EGFLAM: variants seen among roughly 807,000 people sequenced by gnomAD.
EGFLAM encodes the protein pikachurin.
In EGFLAM, 79 loss-of-function variants were observed where a neutral mutation model predicts 113.1. The observed-to-expected ratio is 0.70, with a 90% CI of 0.58 to 0.84. The LOEUF (loss-of-function observed/expected upper bound fraction) is 0.84. Among genes scored for constraint, EGFLAM ranks in the 40% least tolerant of loss-of-function variants. The pLI is 0.00. For synonymous variants in EGFLAM, 504 were observed against 487.6 expected, an observed-to-expected ratio of 1.03 and a Z score of -0.44; for missense variants, 1,265 against 1,291.6, an observed-to-expected ratio of 0.98 and a Z score of 0.32.
chr5:38,435,294 C>G (rs759725596), intron 16 of EGFLAM, 41 bp downstream of exon 16: 1 of 1,418,608 alleles, frequency 7.0e-7, no homozygotes, highest in Non-Finnish European at 1.0e-6. Flanking sequence ...GCCACCCAGA[C>G]TGTAGACAAA....
At chr5:38,279,899 G>T (rs895406794) in intron 1 of EGFLAM, among the ~76,000 whole-genome samples, 1 of 152,062 alleles carries the variant, frequency 6.6e-6, no homozygotes, top group African/African-American at 2.4e-5. Flanking sequence ...ACTATGTGAG[G>T]TAATGCATTT....
At position 38,461,673 on chromosome 5, in the gene EGFLAM, G is replaced by T. The variant is rs149763913; in HGVS notation, c.2772-1235G>T. On this transcript the variant is annotated intron_variant, in intron 20 of 21. Transcript: ENST00000322350. ...GAGAAAGTTCTGTAAATCTCTAGAA[G>T]AGTTGCTATCAAGAAGTGAAGCCTG... is the stretch of plus-strand genomic sequence containing the variant. Among the ~76,000 whole-genome samples the T allele has an allele frequency of 4.3e-3, 661 of 152,276 alleles. 5 individuals carry two copies. Among genetic ancestry groups the T allele is most frequent in the Middle Eastern group, 0.014 (4 of 294 alleles).
chr5:38,273,760 G>A (rs1182819492), intron 1 of EGFLAM, among the ~76,000 whole-genome samples: 1 of 152,208 alleles, frequency 6.6e-6, no homozygotes, highest in Non-Finnish European at 1.5e-5. Context: ...TGTGAACACT[G>A]GAATAAGTAT....
intron 1 of EGFLAM, among the ~76,000 whole-genome samples, chr5:38,328,147 C>T (rs958135471): frequency 1.3e-5 from 2 of 152,114 alleles, no homozygotes; most frequent in African/African-American, 4.8e-5. Flanking sequence ...GCTGGGGAGG[C>T]TCGGGAATTT....
At chr5:38,360,703 G>A (rs1031363507) in intron 5 of EGFLAM, among the ~76,000 whole-genome samples, 6 of 152,204 alleles carry the variant, frequency 3.9e-5, no homozygotes, top group South Asian at 4.2e-4. Flanking sequence ...CTAGAACAGC[G>A]CCTAGCCCTT....
intron 12 of EGFLAM, among the ~76,000 whole-genome samples, chr5:38,420,011 A>T (rs1444066437): frequency 6.6e-6 from 1 of 152,202 alleles, no homozygotes; most frequent in African/African-American, 2.4e-5. Context: ...TGGACAACAG[A>T]GTGAGACTGT....
intron 6 of EGFLAM, chr5:38,403,786 A>C: frequency 6.2e-7 from 1 of 1,608,596 alleles, no homozygotes; most frequent in South Asian, 1.1e-5. Flanking sequence ...CTTGCTGTAC[A>C]AAGATAGAGA....
chr5:38,405,309 C>G (rs1227617454), intron 6 of EGFLAM, among the ~76,000 whole-genome samples: 3 of 152,172 alleles, frequency 2.0e-5, no homozygotes, highest in African/African-American at 7.2e-5. Context: ...CATCCCTTTT[C>G]TATCTTCCCT....
chr5:38,435,266 C>G lies in EGFLAM; in HGVS notation c.2283+13C>G. 2 of 1,598,974 alleles carry G rather than the reference C, an allele frequency of 1.3e-6. No homozygotes were observed. Among genetic ancestry groups the G allele is most frequent in the Non-Finnish European group, 8.6e-7 (1 of 1,166,344 alleles). ...GAGCATCCAGAAGGTACAGGCATCT[C>G]TTCCTCATGTTTACTGGGCCACCCA... On this transcript the variant is annotated intron_variant, in intron 16 of 21. Coordinates refer to ENST00000322350, the MANE Select transcript of EGFLAM (RefSeq NM_152403.4).
intron 1 of EGFLAM, among the ~76,000 whole-genome samples, chr5:38,284,282 G>T (rs1222426638): frequency 6.6e-6 from 1 of 152,180 alleles, no homozygotes; most frequent in Non-Finnish European, 1.5e-5. Flanking sequence ...GCTCTGCCTT[G>T]TATAGAATGG....
At chr5:38,278,811 TTG>T (rs1757950780) in intron 1 of EGFLAM, among the ~76,000 whole-genome samples, 1 of 129,622 alleles carries the variant, frequency 7.7e-6, no homozygotes, top group Admixed American at 7.7e-5. Flanking sequence ...TTTTTTTTTT[TTG>T]ATGTAATTTT....
rs1466227319 is a variant in EGFLAM, at chr5:38,410,871, G to A, written c.1350-1633G>A. Among the ~76,000 whole-genome samples, 7 of 152,242 alleles carry A rather than the reference G, an allele frequency of 4.6e-5. No homozygotes were observed. In the East Asian group the frequency reaches 1.2e-3, roughly 25 times the overall value. On this transcript the variant is annotated intron_variant, in intron 10 of 21. Coordinates refer to ENST00000322350, the MANE Select transcript of EGFLAM (RefSeq NM_152403.4). ...ATTTTTATATTTTATGAATATCACTGAGCTTTATTATTTGAGAGTTTGGAA... is the reference window on the plus strand; with the variant it reads ...ATTTTTATATTTTATGAATATCACTAAGCTTTATTATTTGAGAGTTTGGAA...
At chr5:38,395,328 G>A (rs761095261) in intron 6 of EGFLAM, among the ~76,000 whole-genome samples, 1 of 150,446 alleles carries the variant, frequency 6.6e-6, no homozygotes, top group Non-Finnish European at 1.5e-5. Context: ...ACTACAGCCT[G>A]GAACTCCTGA....
At position 38,435,211 on chromosome 5, in the gene EGFLAM, G is replaced by A. The variant is rs753101714; in HGVS notation, c.2241G>A (p.Lys747=). 11 of 1,614,162 alleles carry A rather than the reference G, an allele frequency of 6.8e-6. No homozygotes were observed. The South Asian group carries it at 1.2e-4, about 18-fold the overall frequency. Residue 747 remains lysine (K), a synonymous_variant, in exon 16 of 22, where the codon AAG becomes AAA. Coordinates refer to ENST00000322350, the MANE Select transcript of EGFLAM (RefSeq NM_152403.4). ...TCCCCAATTATGATGATGTGAAGAA[G>A]AACTCGGGTGTCCTGAAGCCTTTCA... ...GGVPNYDDVK[K]NSGVLKPFSG...
intron 5 of EGFLAM, 83 bp downstream of exon 5, chr5:38,352,414 T>A: frequency 6.4e-7 from 1 of 1,553,852 alleles, no homozygotes; most frequent in Admixed American, 1.7e-5. Context: ...TTTGGCAGGC[T>A]GAGGCGGGCA....
At chr5:38,369,564 G>T (rs572019247) in intron 5 of EGFLAM, among the ~76,000 whole-genome samples, 4 of 152,128 alleles carry the variant, frequency 2.6e-5, no homozygotes, top group Non-Finnish European at 4.4e-5. Context: ...AATCTTTATG[G>T]CAGTCCTCTT....
At chr5:38,462,729 C>A (rs1743328622) in intron 20 of EGFLAM, 179 bp from the exon 21 acceptor site, 2 of 630,956 alleles carry the variant, frequency 3.2e-6, no homozygotes, top group Admixed American at 5.7e-5. Context: ...CCTCAGTAGA[C>A]CACAGGCTCC....
chr5:38,317,891 C>G (rs912760819), intron 1 of EGFLAM, among the ~76,000 whole-genome samples: 10 of 151,966 alleles, frequency 6.6e-5, no homozygotes, highest in Non-Finnish European at 1.5e-4. Context: ...GATTAGACAG[C>G]TCCTCACCAG....
At chr5:38,318,756 G>A (rs187055653) in intron 1 of EGFLAM, among the ~76,000 whole-genome samples, 8 of 152,074 alleles carry the variant, frequency 5.3e-5, no homozygotes, top group Non-Finnish European at 1.0e-4. Context: ...TACCCGCATC[G>A]GCCTCCCAAA....
Sources: gnomAD v4.1 joint callset for allele counts (sites outside exome capture counted in the v4.1 genomes callset) on GRCh38, gnomAD v4.1.1 for gene constraint, MANE v1.5 for transcripts, NCBI Gene and HGNC (gene_info 2026-07-23, HGNC 2026-07-21) for gene names.